Variants in CFAP77 observed in about 807,000 individuals in gnomAD.
The protein encoded by CFAP77 is cilia and flagella associated protein 77.
Under a neutral mutation model 31.1 loss-of-function variants are expected in CFAP77, and 25 were observed. The observed-to-expected ratio is 0.80, with a 90% CI of 0.59 to 1.12. The LOEUF (loss-of-function observed/expected upper bound fraction) is 1.12. Ranked by LOEUF, CFAP77 falls within the 50% of genes most tolerant of loss-of-function variation. The pLI is 0.00. For synonymous variants in CFAP77, 151 were observed against 159.9 expected (o/e 0.94, Z 0.42); for missense variants, 377 against 397.3 (o/e 0.95, Z 0.44).
At chr9:132,519,111 C>G (rs939997383) in intron 3 of CFAP77, among the ~76,000 whole-genome samples, 2 of 151,712 alleles carry the variant, frequency 1.3e-5, no homozygotes, top group African/African-American at 4.8e-5. Flanking sequence ...GGGAGCCACC[C>G]CCATGTTCAG....
At chr9:132,446,673 G>A (rs1272886678) in intron 1 of CFAP77, among the ~76,000 whole-genome samples, 5 of 150,480 alleles carry the variant, frequency 3.3e-5, no homozygotes, top group African/African-American at 7.4e-5. Context: ...CCCAGGAGGC[G>A]GAGCTTGCAG....
At chr9:132,500,816 G>A (rs564884033) in intron 3 of CFAP77, among the ~76,000 whole-genome samples, 15 of 152,274 alleles carry the variant, frequency 9.9e-5, no homozygotes, top group Admixed American at 3.9e-4. Context: ...CCGGCCTGGC[G>A]CTTAGATAAG....
intron 1 of CFAP77, among the ~76,000 whole-genome samples, chr9:132,460,676 T>C (rs1333702945): frequency 6.6e-6 from 1 of 152,070 alleles, no homozygotes; most frequent in Non-Finnish European, 1.5e-5. Flanking sequence ...GATGAAAAAG[T>C]GTTGGCACTA....
chr9:132,416,884 G>A (rs1005925868), intron 1 of CFAP77, among the ~76,000 whole-genome samples: 1 of 151,988 alleles, frequency 6.6e-6, no homozygotes, highest in African/African-American at 2.4e-5. Context: ...TGATCTGTCC[G>A]CTTCAGCCTT....
chr9:132,528,385 C>T (rs1448896792), intron 3 of CFAP77, among the ~76,000 whole-genome samples: 1 of 142,602 alleles, frequency 7.0e-6, no homozygotes, highest in African/African-American at 2.5e-5. Flanking sequence ...AAATGTTAGA[C>T]CTAAAACCAT....
At chr9:132,446,210 G>T (rs1189473906) in intron 1 of CFAP77, among the ~76,000 whole-genome samples, 2 of 152,112 alleles carry the variant, frequency 1.3e-5, no homozygotes, top group African/African-American at 2.4e-5. Context: ...AAAAAGTTCA[G>T]AAGAGCTTCC....
At chr9:132,514,052 CGTCT>C (rs1564235669) in intron 3 of CFAP77, among the ~76,000 whole-genome samples, 1 of 144,120 alleles carries the variant, frequency 6.9e-6, no homozygotes, top group Non-Finnish European at 1.5e-5. Flanking sequence ...GAGATCCCCC[CGTCT>C]TGTGTCCCTG....
rs1241953382 is a variant in CFAP77, at chr9:132,554,762, G to C, written c.732+11715G>C. Among the ~76,000 whole-genome samples, 1 of 152,208 alleles carries C rather than the reference G, an allele frequency of 6.6e-6. No individual in the cohort carries two copies. Among genetic ancestry groups the C allele is most frequent in the East Asian group, 1.9e-4 (1 of 5,196 alleles). On this transcript the variant is annotated intron_variant, in intron 5 of 5. Coordinates refer to ENST00000393216, the MANE Select transcript of CFAP77 (RefSeq NM_001282957.2). The surrounding 1 kb of genome is among the most constrained non-coding windows in gnomAD (Gnocchi z 4.1). ...CCACTTAGAGTTTAAGCTGAGCAAA[G>C]CAGAGATCTTCAGGGTGCCTGAATC... is the stretch of plus-strand genomic sequence containing the variant.
intron 4 of CFAP77, among the ~76,000 whole-genome samples, chr9:132,541,896 AC>A (rs1852649826): frequency 6.6e-6 from 1 of 151,970 alleles, no homozygotes; most frequent in South Asian, 2.1e-4. Context: ...ATGGGAGGTG[AC>A]GCGGAAGGTT....
At chr9:132,549,477 G>C (rs1852790251) in intron 5 of CFAP77, among the ~76,000 whole-genome samples, 1 of 152,208 alleles carries the variant, frequency 6.6e-6, no homozygotes, top group Non-Finnish European at 1.5e-5. Context: ...CACTTCCTCT[G>C]TAAATACAGA....
At chr9:132,541,998 G>A (rs1013298950) in intron 4 of CFAP77, among the ~76,000 whole-genome samples, 2 of 152,178 alleles carry the variant, frequency 1.3e-5, no homozygotes, top group African/African-American at 2.4e-5. Context: ...GTTCTGTAGG[G>A]CCTGAAAGGT....
chr9:132,441,872 G>A (rs765851630), intron 1 of CFAP77, among the ~76,000 whole-genome samples: 1 of 152,214 alleles, frequency 6.6e-6, no homozygotes, highest in Non-Finnish European at 1.5e-5. Context: ...GAGACGCAGA[G>A]TCTCAGCCCC....
rs1434006196 is a variant in CFAP77, at chr9:132,511,873, G to A, written c.524+12273G>A. Among the ~76,000 whole-genome samples the A allele has an allele frequency of 2.0e-5, 3 of 152,096 alleles. No homozygotes were observed. Among genetic ancestry groups the A allele is most frequent in the South Asian group, 2.1e-4 (1 of 4,822 alleles). On this transcript the variant is annotated intron_variant, in intron 3 of 5. Coordinates refer to ENST00000393216, the MANE Select transcript of CFAP77 (RefSeq NM_001282957.2). The surrounding 1 kb of genome is among the most constrained non-coding windows in gnomAD (Gnocchi z 5.8). ...GTTCGACACCAGCCTGACCAATATG[G>A]TGAAATCCCGTCTCTACCAAAGATA...
intron 1 of CFAP77, among the ~76,000 whole-genome samples, chr9:132,441,888 C>G (rs1042182815): frequency 2.6e-5 from 4 of 152,232 alleles, no homozygotes; most frequent in Non-Finnish European, 5.9e-5. Context: ...GCCCCCACCC[C>G]AGACCTTCCT....
intron 3 of CFAP77, among the ~76,000 whole-genome samples, chr9:132,525,673 G>A (rs763164884): frequency 1.3e-5 from 2 of 152,148 alleles, no homozygotes; most frequent in African/African-American, 2.4e-5. Context: ...TTTATCACAT[G>A]TGTAGATTTG....
intron 5 of CFAP77, among the ~76,000 whole-genome samples, chr9:132,560,751 AC>A (rs1177897261): frequency 2.0e-5 from 3 of 151,772 alleles, no homozygotes; most frequent in African/African-American, 7.3e-5. Flanking sequence ...CCTTTGTCAA[AC>A]CAATGGTCCC....
rs1850274777 is a variant in CFAP77 at position 132,424,131 on chromosome 9, G to A, written c.195+13665G>A. Among the ~76,000 whole-genome samples, 10 of 152,220 alleles carry A rather than the reference G, an allele frequency of 6.6e-5. No homozygotes were observed. The highest frequency in any genetic ancestry group is 6.5e-4 in the Admixed American group (10 of 15,280). The stretch of plus-strand genomic sequence containing the variant: ...TGTTAAAAAAAGAGTTAGGAGGCCG[G>A]GTGTGGTGGCTCACGCCTGTAATCG... On this transcript the variant is annotated intron_variant, in intron 1 of 5. Coordinates refer to ENST00000393216, the MANE Select transcript of CFAP77 (RefSeq NM_001282957.2). This position sits in a 1 kb window ranked among gnomAD's most constrained non-coding sequence, Gnocchi z 4.1.
chr9:132,501,373 T>C lies in CFAP77; in HGVS notation c.524+1773T>C, dbSNP rs990529930. Among the ~76,000 whole-genome samples the C allele has an allele frequency of 1.3e-5, 2 of 151,274 alleles. No individual in the cohort carries two copies. Among genetic ancestry groups the C allele is most frequent in the African/African-American group, 4.9e-5 (2 of 40,922 alleles). On this transcript the variant is annotated intron_variant, in intron 3 of 5. Coordinates refer to ENST00000393216, the MANE Select transcript of CFAP77 (RefSeq NM_001282957.2). The surrounding 1 kb of genome is among the most constrained non-coding windows in gnomAD (Gnocchi z 4.6). ...CAGACACCTTGAGTTCAAGACTCTTTGGGCCAGCTCAGGTTACATGACTAT... is the reference window on the plus strand; with the variant it reads ...CAGACACCTTGAGTTCAAGACTCTTCGGGCCAGCTCAGGTTACATGACTAT...
intron 1 of CFAP77, among the ~76,000 whole-genome samples, chr9:132,468,902 T>C (rs898712413): frequency 6.6e-6 from 1 of 152,006 alleles, no homozygotes; most frequent in Non-Finnish European, 1.5e-5. Flanking sequence ...AGAATCAAAA[T>C]AACTATAACA....
Sources: allele counts gnomAD v4.1 joint callset (sites outside exome capture counted in the v4.1 genomes callset), GRCh38; gene constraint gnomAD v4.1.1; non-coding constraint Gnocchi (gnomAD v3.1); transcripts MANE v1.5; gene names NCBI Gene and HGNC (gene_info 2026-07-23, HGNC 2026-07-21).